ERC1: variants seen among roughly 807,000 people sequenced by gnomAD.
ERC1 encodes ELKS/RAB6-interacting/CAST family member 1.
Under a neutral mutation model 132.0 loss-of-function variants are expected in ERC1, and 56 were observed. That is an observed-to-expected ratio of 0.42 (90% CI 0.34 to 0.53). The LOEUF (loss-of-function observed/expected upper bound fraction) is 0.53. ERC1 is among the 20% of genes least tolerant of loss of function. ERC1 has a pLI of 0.03. For synonymous variants in ERC1, 478 were observed against 476.1 expected, an observed-to-expected ratio of 1.00 and a Z score of -0.05; for missense variants, 1,202 against 1,349.9, an observed-to-expected ratio of 0.89 and a Z score of 1.72.
chr12:1,057,585 GTTTTTTTT>G (rs59761885), intron 2 of ERC1, among the ~76,000 whole-genome samples: 1 of 47,690 alleles, frequency 2.1e-5, no homozygotes, highest in African/African-American at 7.3e-5. Context: ...GATGCGCATG[GTTTTTTTT>G]TTTTTTTTTT....
At chr12:1,298,313 G>A (rs189132849) in intron 15 of ERC1, among the ~76,000 whole-genome samples, 55 of 152,102 alleles carry the variant, frequency 3.6e-4, no homozygotes, top group East Asian at 1.4e-3. Flanking sequence ...AGCCCAAGGC[G>A]CACGGATCAC....
At chr12:1,408,434 A>G (rs1348759566) in intron 17 of ERC1, among the ~76,000 whole-genome samples, 187 bp downstream of exon 17, 1 of 152,242 alleles carries the variant, frequency 6.6e-6, no homozygotes, top group Non-Finnish European at 1.5e-5. Flanking sequence ...GAAGAACTGG[A>G]TATTTTAAGA....
intron 4 of ERC1, among the ~76,000 whole-genome samples, chr12:1,108,416 C>G (rs1006919014): frequency 2.0e-5 from 3 of 152,148 alleles, no homozygotes; most frequent in African/African-American, 7.2e-5. Context: ...GAGTGGAGCC[C>G]CAGTGCTGCT....
At chr12:1,290,132 T>A (rs1489784403) in intron 15 of ERC1, 120 bp downstream of exon 15, 1 of 793,212 alleles carries the variant, frequency 1.3e-6, no homozygotes, top group Admixed American at 2.6e-5. Context: ...AGTGCTAACT[T>A]GTATTTCTCA....
intron 12 of ERC1, among the ~76,000 whole-genome samples, chr12:1,215,837 G>T (rs974754313): frequency 5.3e-5 from 8 of 152,068 alleles, no homozygotes; most frequent in Admixed American, 3.9e-4. Flanking sequence ...ATAGGTTATT[G>T]TTAAAGACCT....
chr12:1,229,359 G>A (rs1040823270), intron 12 of ERC1, among the ~76,000 whole-genome samples: 1 of 152,130 alleles, frequency 6.6e-6, no homozygotes, highest in Non-Finnish European at 1.5e-5. Context: ...AAATTAACTA[G>A]TTGCAGCGGT....
intron 18 of ERC1, among the ~76,000 whole-genome samples, chr12:1,478,713 C>T (rs142940926): frequency 0.012 from 1,829 of 151,906 alleles, 142 homozygotes; most frequent in Admixed American, 0.11. Flanking sequence ...GGTGTGAACC[C>T]GGGATGTGGA....
At chr12:1,092,160 A>T (rs563754794) in intron 3 of ERC1, among the ~76,000 whole-genome samples, 12 of 152,114 alleles carry the variant, frequency 7.9e-5, no homozygotes, top group African/African-American at 2.7e-4. Context: ...CACCAGGCCC[A>T]GCTAATTTTT....
intron 16 of ERC1, among the ~76,000 whole-genome samples, chr12:1,388,097 C>T (rs897379106): frequency 5.3e-5 from 8 of 152,074 alleles, no homozygotes; most frequent in Non-Finnish European, 8.8e-5. Flanking sequence ...CGTGGTGGCT[C>T]ACGCTTGTAA....
intron 17 of ERC1, among the ~76,000 whole-genome samples, chr12:1,414,590 G>A (rs963894963): frequency 6.6e-6 from 1 of 152,122 alleles, no homozygotes; most frequent in Admixed American, 6.5e-5. Context: ...CCGCCCAACA[G>A]GGAGTTCCAG....
chr12:1,029,828 A>G (rs899096096), intron 2 of ERC1, among the ~76,000 whole-genome samples: 1 of 149,126 alleles, frequency 6.7e-6, no homozygotes, highest in Non-Finnish European at 1.5e-5. Context: ...GTTCGCTGCA[A>G]CCTCCACCTC....
chr12:1,042,477 C>T (rs938519285), intron 2 of ERC1, among the ~76,000 whole-genome samples: 14 of 151,316 alleles, frequency 9.3e-5, no homozygotes, highest in Non-Finnish European at 1.9e-4. Flanking sequence ...TCCAGAGTAG[C>T]TGGGATTACA....
intron 13 of ERC1, among the ~76,000 whole-genome samples, chr12:1,245,841 G>A (rs946701661): frequency 6.6e-6 from 1 of 152,184 alleles, no homozygotes; most frequent in Non-Finnish European, 1.5e-5. Flanking sequence ...GTTTTGGACA[G>A]TTAATTACTG....
intron 14 of ERC1, among the ~76,000 whole-genome samples, chr12:1,274,426 C>T (rs895743108): frequency 1.1e-4 from 17 of 151,992 alleles, no homozygotes; most frequent in African/African-American, 3.6e-4. Flanking sequence ...AACAGGGGAC[C>T]TTATTTAGAG....
chr12:995,843 G>A (rs1254917506), intron 1 of ERC1, among the ~76,000 whole-genome samples: 4 of 152,136 alleles, frequency 2.6e-5, no homozygotes, highest in African/African-American at 7.2e-5. Context: ...GTAAAGGAGA[G>A]TGATAAGAAA....
Position 1,323,101 on chromosome 12 carries a change from G to A in ERC1, c.2780+33089G>A, listed in dbSNP as rs546347447. 2.0e-5 allele frequency among the ~76,000 whole-genome samples: 3 copies of A among 152,200 alleles called. No individual in the cohort carries two copies. The South Asian group carries it at 6.2e-4, about 32-fold the overall frequency. On this transcript the variant is annotated intron_variant, in intron 15 of 18. Coordinates refer to ENST00000360905, the MANE Select transcript of ERC1 (RefSeq NM_178040.4). ...GTCTTATAAAAGAGGGCTCAAATTG[G>A]TATAGACTGTATATTTTGTGGGGAA... is the stretch of plus-strand genomic sequence containing the variant.
chr12:1,055,102 G>C (rs1305514464), intron 2 of ERC1, among the ~76,000 whole-genome samples: 1 of 152,024 alleles, frequency 6.6e-6, no homozygotes, highest in Non-Finnish European at 1.5e-5. Flanking sequence ...CCTCATTAAG[G>C]TGCAACTTAT....
At chr12:1,065,374 T>C (rs1348120760) in intron 2 of ERC1, among the ~76,000 whole-genome samples, 1 of 151,904 alleles carries the variant, frequency 6.6e-6, no homozygotes, top group African/African-American at 2.4e-5. Context: ...CTATTTTTTA[T>C]TTCACTCATT....
chr12:1,210,787 A>G (rs1957792624), intron 12 of ERC1, among the ~76,000 whole-genome samples: 1 of 152,132 alleles, frequency 6.6e-6, no homozygotes, highest in Non-Finnish European at 1.5e-5. Flanking sequence ...CGAGGTCAAG[A>G]GGTAAAGACC....
Sources: gnomAD v4.1 joint callset for allele counts (sites outside exome capture counted in the v4.1 genomes callset) on GRCh38, gnomAD v4.1.1 for gene constraint, MANE v1.5 for transcripts, NCBI Gene and HGNC (gene_info 2026-07-23, HGNC 2026-07-21) for gene names.